Variants in SPOCK1 observed in about 807,000 individuals in gnomAD.
SPOCK1 encodes testican-1.
SPOCK1 carries 23 observed loss-of-function variants against 55.3 expected under a neutral mutation model. That is an observed-to-expected ratio of 0.42 (90% CI 0.30 to 0.59). The LOEUF (loss-of-function observed/expected upper bound fraction) is 0.59. Ranked by LOEUF, SPOCK1 falls within the 20% of genes least tolerant of loss-of-function variation. The pLI is 0.22. For missense variants in SPOCK1, 499 were observed against 552.5 expected (o/e 0.90, Z 0.97); for synonymous variants, 226 against 221.0 (o/e 1.02, Z -0.20).
At chr5:137,334,406 C>T (rs1266361378) in intron 2 of SPOCK1, among the ~76,000 whole-genome samples, 1 of 152,180 alleles carries the variant, frequency 6.6e-6, no homozygotes, top group Admixed American at 6.5e-5. Context: ...CCTTTAAGCT[C>T]CGTGCAAGAA....
At chr5:137,095,396 C>T (rs140147550) in intron 5 of SPOCK1, among the ~76,000 whole-genome samples, 253 of 152,260 alleles carry the variant, frequency 1.7e-3, no homozygotes, top group African/African-American at 5.2e-3. Flanking sequence ...ATTAAAATGA[C>T]GTATGCCTTT....
Position 137,062,547 on chromosome 5 carries a change from A to AATG in SPOCK1, c.589+5167_589+5168insCAT, listed in dbSNP as rs1216228822. 2.7e-5 allele frequency among the ~76,000 whole-genome samples: 4 copies of AATG among 148,784 alleles called. No individual in the cohort carries two copies. The East Asian group carries it at 7.8e-4, about 29-fold the overall frequency. On this transcript the variant is annotated intron_variant, in intron 6 of 10. Coordinates refer to ENST00000394945, the MANE Select transcript of SPOCK1 (RefSeq NM_004598.4). ...TATAAATAATAATAATAATAATAATAATAATAATAATAAAGACAGCACCTC... is the reference window on the plus strand; with the variant it reads ...TATAAATAATAATAATAATAATAATAATGATAATAATAATAAAGACAGCACCTC...
At position 137,232,901 on chromosome 5, in the gene SPOCK1, T is replaced by C. The variant is rs979209714; in HGVS notation, c.232+34109A>G. Among the ~76,000 whole-genome samples the C allele has an allele frequency of 2.6e-5, 4 of 152,258 alleles. 1 individual carries two copies. The highest frequency in any genetic ancestry group is 9.6e-5 in the African/African-American group (4 of 41,458). On this transcript the variant is annotated intron_variant, in intron 3 of 10. Coordinates refer to ENST00000394945, the MANE Select transcript of SPOCK1 (RefSeq NM_004598.4). The stretch of plus-strand genomic sequence containing the variant: ...ACTGTAAATATAATACAATTTGTAT[T>C]TGTCAGTTGAAATAGATGTGTTATT...
chr5:137,483,388 T>C (rs1252428018), intron 2 of SPOCK1, among the ~76,000 whole-genome samples: 1 of 152,182 alleles, frequency 6.6e-6, no homozygotes, highest in African/African-American at 2.4e-5. Flanking sequence ...CTCCCTTCTC[T>C]TGGCTCTGGA....
chr5:137,344,616 T>C (rs1750513424), intron 2 of SPOCK1, among the ~76,000 whole-genome samples: 1 of 152,218 alleles, frequency 6.6e-6, no homozygotes, highest in Admixed American at 6.5e-5. Context: ...TTAACCAACC[T>C]ATACTGTGCA....
intron 3 of SPOCK1, among the ~76,000 whole-genome samples, chr5:137,251,663 G>A (rs1865404): frequency 0.067 from 10,256 of 152,232 alleles, 1,058 homozygotes; most frequent in African/African-American, 0.23. Context: ...GGTGAGACCT[G>A]TTTATGTAGG....
At chr5:137,261,876 T>C (rs922036750) in intron 3 of SPOCK1, among the ~76,000 whole-genome samples, 1 of 152,172 alleles carries the variant, frequency 6.6e-6, no homozygotes, top group African/African-American at 2.4e-5. Context: ...TTGGGGAGGT[T>C]CTTTCCTGAG....
At chr5:137,330,242 G>A (rs1224926105) in intron 2 of SPOCK1, among the ~76,000 whole-genome samples, 1 of 152,260 alleles carries the variant, frequency 6.6e-6, no homozygotes, top group South Asian at 2.1e-4. Context: ...GACACTGTGG[G>A]GATGGAAACT....
In SPOCK1 at chr5:137,226,918, T is replaced by TA. The variant is rs200758391; in HGVS notation, c.232+40091dup. Among the ~76,000 whole-genome samples, 1,153 of 152,312 alleles carry TA rather than the reference T, an allele frequency of 7.6e-3. 19 individuals are homozygous for TA. The highest frequency in any genetic ancestry group is 0.026 in the African/African-American group (1,080 of 41,566). On this transcript the variant is annotated intron_variant, in intron 3 of 10. Coordinates refer to ENST00000394945, the MANE Select transcript of SPOCK1 (RefSeq NM_004598.4). ...GATCCATATCTAATAAAGTACCTAA[T>TA]AAAAAATGTGATGTAACAGGTGCTC...
chr5:137,367,361 T>G (rs1012643796), intron 2 of SPOCK1, among the ~76,000 whole-genome samples: 11 of 152,230 alleles, frequency 7.2e-5, no homozygotes, highest in Non-Finnish European at 1.6e-4. Flanking sequence ...GCAGCGCTGT[T>G]GAGCACTGTG....
chr5:137,461,438 T>A (rs1459629580), intron 2 of SPOCK1, among the ~76,000 whole-genome samples: 1 of 152,222 alleles, frequency 6.6e-6, no homozygotes, highest in African/African-American at 2.4e-5. Context: ...TGAGAAAGGA[T>A]ACTTCCAGAA....
chr5:137,285,879 G>GT (rs150931048), intron 2 of SPOCK1, among the ~76,000 whole-genome samples: 279 of 149,162 alleles, frequency 1.9e-3, no homozygotes, highest in Middle Eastern at 7.0e-3. Flanking sequence ...CAGCACAATT[G>GT]TTTTTTTTTT....
chr5:137,287,032 A>G (rs983569383), intron 2 of SPOCK1, among the ~76,000 whole-genome samples: 9 of 152,166 alleles, frequency 5.9e-5, no homozygotes, highest in Middle Eastern at 3.2e-3. Flanking sequence ...TGCCATCCTT[A>G]ACAAAAACAC....
chr5:137,448,805 G>A (rs1753186699), intron 2 of SPOCK1, among the ~76,000 whole-genome samples: 1 of 152,194 alleles, frequency 6.6e-6, no homozygotes, highest in African/African-American at 2.4e-5. Flanking sequence ...ACTTTGTACA[G>A]AGACATCCTG....
At chr5:137,149,235 T>A (rs796178762) in intron 3 of SPOCK1, among the ~76,000 whole-genome samples, 1 of 152,162 alleles carries the variant, frequency 6.6e-6, no homozygotes, top group East Asian at 1.9e-4. Flanking sequence ...GGGAGATGCA[T>A]GAAGCCCAGC....
chr5:137,249,054 T>C (rs968413010), intron 3 of SPOCK1, among the ~76,000 whole-genome samples: 1 of 152,214 alleles, frequency 6.6e-6, no homozygotes, highest in Admixed American at 6.5e-5. Context: ...AAACACAATC[T>C]ATTTTCTCAG....
intron 2 of SPOCK1, among the ~76,000 whole-genome samples, chr5:137,398,570 A>T (rs537938180): frequency 2.0e-5 from 3 of 152,332 alleles, no homozygotes; most frequent in South Asian, 4.1e-4. Context: ...TTCTTCTCTC[A>T]GGAAGAGAGA....
At chr5:137,069,955 T>TTC (rs1752580446) in intron 5 of SPOCK1, among the ~76,000 whole-genome samples, 1 of 152,176 alleles carries the variant, frequency 6.6e-6, no homozygotes, top group African/African-American at 2.4e-5. Flanking sequence ...ACCCATTCTC[T>TTC]TCTCTCTCTG....
chr5:137,130,349 C>T (rs141931422), intron 4 of SPOCK1, among the ~76,000 whole-genome samples: 11 of 152,280 alleles, frequency 7.2e-5, no homozygotes, highest in African/African-American at 2.2e-4. Context: ...AAACATATAA[C>T]ACAGTGTCTG....
Sources: gnomAD v4.1 joint callset for allele counts (sites outside exome capture counted in the v4.1 genomes callset) on GRCh38, gnomAD v4.1.1 for gene constraint, MANE v1.5 for transcripts, NCBI Gene and HGNC (gene_info 2026-07-23, HGNC 2026-07-21) for gene names.